The following ATG16L1 variants were observed in gnomAD, a reference collection of about 807,000 sequenced individuals.
ATG16L1 encodes autophagy related 16 like 1, also known as autophagy-related protein 16-1.
Under a neutral mutation model 88.5 loss-of-function variants are expected in ATG16L1, and 37 were observed. The observed-to-expected ratio is 0.42, with a 90% confidence interval of 0.32 to 0.55. The LOEUF (loss-of-function observed/expected upper bound fraction) is 0.55, where lower values mean the gene tolerates loss of function less well. Ranked by LOEUF, ATG16L1 falls within the 20% of genes least tolerant of loss-of-function variation. The pLI, the probability that ATG16L1 is intolerant of heterozygous loss-of-function variation, is 0.13. For synonymous variants in ATG16L1, 301 were observed against 281.0 expected, an observed-to-expected ratio of 1.07 and a Z score of -0.71; for missense variants, 554 against 752.8, an observed-to-expected ratio of 0.74 and a Z score of 3.09.
At chr2:233,255,116 G>A (rs1443304624) in intron 1 of ATG16L1, among the ~76,000 whole-genome samples, 2 of 152,076 alleles carry the variant, frequency 1.3e-5, no homozygotes, top group African/African-American at 4.8e-5. Context: ...TGGGACTGTG[G>A]GCAAGTGCCA....
At position 233,294,393 on chromosome 2, in the gene ATG16L1, A is replaced by T; in HGVS notation, c.*43A>T. ...GGAGGACCCCAGTGCCCTCCTCAGA[A>T]GAAGCACATGGGCTCCTGCAGCCCT... On this transcript the variant is annotated 3_prime_UTR_variant, in exon 18 of 18. Coordinates refer to ENST00000392017, the MANE Select transcript of ATG16L1 (RefSeq NM_030803.7). 2 of 1,518,730 alleles carry T rather than the reference A, an allele frequency of 1.3e-6. No individual in the cohort carries two copies. The highest frequency in any genetic ancestry group is 1.8e-6 in the Non-Finnish European group (2 of 1,097,394). The allele number at this position is 1,518,730 out of a possible 1,614,324, so 94.1% of individuals were successfully genotyped here. A position where few individuals can be genotyped will look rare whatever the true frequency, so the allele number is the denominator to read the frequency against.
intron 12 of ATG16L1, among the ~76,000 whole-genome samples, chr2:233,289,408 T>TGTGTGTGTGTGTGAGAGA (rs144316394): frequency 2.8e-4 from 42 of 149,654 alleles, no homozygotes; most frequent in East Asian, 1.4e-3. Context: ...TGTGTGTGTG[T>TGTGTGTGTGTGTGAGAGA]GACAGGATCT....
rs757866281 is a variant in ATG16L1, at chr2:233,269,992, T to C, written c.642-10T>C. On this transcript the variant is annotated splice_polypyrimidine_tract_variant and intron_variant, in intron 5 of 17. Transcript: ENST00000392017. ...TAAATGGTGGGCTTTTTTTTTTTTT[T>C]TCCCAACAGGAGGCGGCAAGCCCGG... 33 of 1,571,192 alleles carry C rather than the reference T, an allele frequency of 2.1e-5. No individual in the cohort carries two copies. Among genetic ancestry groups the C allele is most frequent in the South Asian group, 8.5e-5 (7 of 82,664 alleles).
rs758920517 is a variant in ATG16L1 at position 233,251,842 on chromosome 2, C to T, written c.15C>T (p.Leu5=). 45 of 1,549,880 alleles carry T rather than the reference C, an allele frequency of 2.9e-5. No homozygotes were observed. The highest frequency in any genetic ancestry group is 3.7e-5 in the Non-Finnish European group (42 of 1,146,902). Reference sequence around the variant, plus strand: ...CAGCAAGTGACATGTCGTCGGGCCTCCGCGCCGCTGACTTCCCCCGCTGGA... The same window carrying T: ...CAGCAAGTGACATGTCGTCGGGCCTTCGCGCCGCTGACTTCCCCCGCTGGA... MSSG[L]RAADFPRWKR... Residue 5 remains leucine (L), a synonymous_variant, in exon 1 of 18, where the codon CTC becomes CTT. Transcript: ENST00000392017.
At chr2:233,272,043 G>C (rs898014548) in intron 6 of ATG16L1, among the ~76,000 whole-genome samples, 1 of 152,274 alleles carries the variant, frequency 6.6e-6, no homozygotes, top group Non-Finnish European at 1.5e-5. Context: ...ACCTAATCCA[G>C]ATAATTATTT....
At chr2:233,256,232 C>T (rs1391577040) in intron 2 of ATG16L1, 37 bp downstream of exon 2, 2 of 1,536,628 alleles carry the variant, frequency 1.3e-6, no homozygotes, top group South Asian at 2.3e-5. Flanking sequence ...TATGTCTCCT[C>T]TAAGGAAATT....
chr2:233,268,672 A>G (rs1198136489), intron 5 of ATG16L1, among the ~76,000 whole-genome samples: 1 of 152,144 alleles, frequency 6.6e-6, no homozygotes, highest in Non-Finnish European at 1.5e-5. Context: ...GTTTTTCCTC[A>G]AAGAGAGTTA....
rs1174339109 is a variant in ATG16L1, at chr2:233,288,990, G to A, written c.1204-864G>A. 4 of 469,162 alleles carry A rather than the reference G, an allele frequency of 8.5e-6. No individual in the cohort carries two copies. The Admixed American group carries it at 8.6e-5, about 10-fold the overall frequency. The allele number at this position is 469,162 out of a possible 1,614,324, so 29.1% of individuals were successfully genotyped here. The stretch of plus-strand genomic sequence containing the variant: ...TTTAATTGTTTACATAAGGAGTCCT[G>A]ATGTTTCCTTTTGTAAATTATGCCT... On this transcript the variant is annotated intron_variant, in intron 12 of 17. Transcript: ENST00000392017.
intron 12 of ATG16L1, chr2:233,288,983 G>A (rs764642336): frequency 2.1e-6 from 1 of 476,946 alleles, no homozygotes; most frequent in Admixed American, 2.1e-5. Flanking sequence ...TTTACATAAG[G>A]AGTCCTGATG....
intron 12 of ATG16L1, among the ~76,000 whole-genome samples, chr2:233,286,621 C>CATTTTTTTT (rs34087184): frequency 1.0e-3 from 97 of 93,276 alleles, no homozygotes; most frequent in African/African-American, 2.2e-3. Flanking sequence ...GAAGCCCAAA[C>CATTTTTTTT]TTTTTTTTTT....
chr2:233,294,639 T>C lies in ATG16L1; in HGVS notation c.*289T>C, dbSNP rs1699688645. 1.2e-5 allele frequency: 3 copies of C among 250,280 alleles called. No homozygotes were observed. The highest frequency in any genetic ancestry group is 1.1e-4 in the Admixed American group (2 of 18,252). 15.5% of individuals were successfully genotyped at this position (250,280 alleles called of 1,614,324 possible). On this transcript the variant is annotated 3_prime_UTR_variant, in exon 18 of 18. Transcript: ENST00000392017. Reference sequence around the variant, plus strand: ...CTAGCTCTGACCTTCCATACCTCACTTGGGGGAGCACAGGGCCCCGCTGGG... The same window carrying C: ...CTAGCTCTGACCTTCCATACCTCACCTGGGGGAGCACAGGGCCCCGCTGGG...
rs113121657 is a variant in ATG16L1, at chr2:233,286,266, G to A, written c.1203+3513G>A. 6.5e-3 allele frequency among the ~76,000 whole-genome samples: 995 copies of A among 152,190 alleles called. 17 individuals are homozygous for A. Among genetic ancestry groups the A allele is most frequent in the African/African-American group, 0.022 (929 of 41,504 alleles). ...GGTCGGCACTCGTTATCTGCCATGA[G>A]GCACAGAGATAGTCTGTGCAGAGCC... On this transcript the variant is annotated intron_variant, in intron 12 of 17. Transcript: ENST00000392017.
At chr2:233,280,270 A>C (rs1349985710) in intron 10 of ATG16L1, among the ~76,000 whole-genome samples, 3 of 152,240 alleles carry the variant, frequency 2.0e-5, no homozygotes, top group African/African-American at 7.2e-5. Context: ...ATATGATTAC[A>C]ATGGTTCCTT....
chr2:233,258,036 T>C (rs1042078371), intron 2 of ATG16L1, among the ~76,000 whole-genome samples: 6 of 151,224 alleles, frequency 4.0e-5, no homozygotes, highest in African/African-American at 1.2e-4. Context: ...TATCTATATA[T>C]CTATATATCT....
At position 233,283,559 on chromosome 2, in the gene ATG16L1, CT is replaced by C. The variant is rs1180974228; in HGVS notation, c.1203+817del. Among the ~76,000 whole-genome samples the C allele has an allele frequency of 3.8e-3, 551 of 144,980 alleles. 4 individuals are homozygous for C. The highest frequency in any genetic ancestry group is 0.013 in the African/African-American group (501 of 39,718). Reference sequence around the variant, plus strand: ...AGTAATGTTAAGATGAATTTTTTTTCTTTTTTTTTTTCTTTTGAGATGGAGT... The same window carrying C: ...AGTAATGTTAAGATGAATTTTTTTTCTTTTTTTTTTCTTTTGAGATGGAGT... On this transcript the variant is annotated intron_variant, in intron 12 of 17. Coordinates refer to ENST00000392017, the MANE Select transcript of ATG16L1 (RefSeq NM_030803.7).
intron 11 of ATG16L1, 84 bp downstream of exon 11, chr2:233,281,259 C>G: frequency 1.9e-6 from 2 of 1,061,226 alleles, no homozygotes; most frequent in Non-Finnish European, 2.7e-6. Context: ...ATAACTTACC[C>G]GATTTCTCTG....
At position 233,272,947 on chromosome 2, in the gene ATG16L1, G is replaced by C. The variant is rs2289475; in HGVS notation, c.708-19G>C. The C allele has an allele frequency of 0.7, 1,128,670 of 1,605,108 alleles. 401,517 individuals carry two copies. The highest frequency in any genetic ancestry group is 0.79 in the South Asian group (72,099 of 90,856). ...GAACTGTTCAGGAGAATCAAAGAAT[G>C]TCTTGCCTTTCTTTCCAGGGATGAT... On this transcript the variant is annotated intron_variant, in intron 6 of 17. Transcript: ENST00000392017.
intron 2 of ATG16L1, among the ~76,000 whole-genome samples, chr2:233,261,341 G>C (rs1002468195): frequency 6.6e-6 from 1 of 152,176 alleles, no homozygotes; most frequent in African/African-American, 2.4e-5. Flanking sequence ...TTGAGTCCAG[G>C]AGTTCGAGGC....
At position 233,270,052 on chromosome 2, in the gene ATG16L1, C is replaced by T. The variant is rs1697884555; in HGVS notation, c.692C>T (p.Pro231Leu). ...QKELAEAAKE[P>L]LPVEQDDDIE... is the part of the protein sequence containing the mutation. Reference sequence around the variant, plus strand: ...GAGCTTGCAGAAGCAGCAAAGGAACCTCTACCAGTCGAACAGTAAGTAAAG... The same window carrying T: ...GAGCTTGCAGAAGCAGCAAAGGAACTTCTACCAGTCGAACAGTAAGTAAAG... The change falls in exon 6 of 18, where the codon CCT becomes CTT. Residue 231 changes from proline to leucine, a missense_variant. By Grantham distance (98) the Pro-to-Leu change is moderately conservative. Transcript: ENST00000392017. The T allele has an allele frequency of 6.3e-7, 1 of 1,589,842 alleles. No homozygotes were observed. Among genetic ancestry groups the T allele is most frequent in the Non-Finnish European group, 8.5e-7 (1 of 1,171,170 alleles).
Sources: allele counts gnomAD v4.1 joint callset (sites outside exome capture counted in the v4.1 genomes callset), GRCh38; gene constraint gnomAD v4.1.1; transcripts MANE v1.5; gene names NCBI Gene and HGNC (gene_info 2026-07-23, HGNC 2026-07-21).